MYO3B: variants seen among roughly 807,000 people sequenced by gnomAD.
The protein encoded by MYO3B is myosin-IIIb.
In MYO3B, 156 loss-of-function variants were observed where a neutral mutation model predicts 174.6. That is an observed-to-expected ratio of 0.89 (90% CI 0.78 to 1.02). The LOEUF (loss-of-function observed/expected upper bound fraction) is 1.02. Among genes scored for constraint, MYO3B ranks in the 50% least tolerant of loss-of-function variants. MYO3B has a pLI of 0.00. For synonymous variants in MYO3B, 563 were observed against 569.1 expected, an observed-to-expected ratio of 0.99 and a Z score of 0.15; for missense variants, 1,632 against 1,639.4, an observed-to-expected ratio of 1.00 and a Z score of 0.08.
intron 32 of MYO3B, among the ~76,000 whole-genome samples, chr2:170,545,412 G>A (rs752934207): frequency 6.6e-6 from 1 of 152,172 alleles, no homozygotes; most frequent in African/African-American, 2.4e-5. Flanking sequence ...CATAGTAAGT[G>A]TTTAGTAAAT....
chr2:170,272,807 G>A (rs1304298738), intron 7 of MYO3B, among the ~76,000 whole-genome samples: 2 of 152,102 alleles, frequency 1.3e-5, no homozygotes, highest in East Asian at 3.8e-4. Flanking sequence ...TTGCCCCTTT[G>A]CCATGGGACG....
At chr2:170,559,269 T>G (rs1221668375) in intron 32 of MYO3B, among the ~76,000 whole-genome samples, 4 of 152,248 alleles carry the variant, frequency 2.6e-5, no homozygotes, top group African/African-American at 9.6e-5. Context: ...ATGGCCATTT[T>G]AGCTTCTTAA....
intron 18 of MYO3B, 111 bp downstream of exon 18, chr2:170,401,802 C>CTTTTTT (rs769531863): frequency 0.04 from 27,428 of 684,214 alleles, 79 homozygotes; most frequent in South Asian, 0.045. Flanking sequence ...CTTTCTTTTT[C>CTTTTTT]TTTTTTTTTT....
At chr2:170,317,153 C>A (rs2093781583) in intron 7 of MYO3B, among the ~76,000 whole-genome samples, 1 of 152,116 alleles carries the variant, frequency 6.6e-6, no homozygotes, top group South Asian at 2.1e-4. Context: ...CATGGAATAG[C>A]CTTCCCCAGG....
chr2:170,273,843 C>T (rs16858083), intron 7 of MYO3B, among the ~76,000 whole-genome samples: 5,331 of 152,168 alleles, frequency 0.035, 145 homozygotes, highest in South Asian at 0.078. Flanking sequence ...TCAAAAGGAC[C>T]GCAATTCCCT....
chr2:170,425,365 A>C (rs1468477085), intron 22 of MYO3B, among the ~76,000 whole-genome samples: 1 of 152,204 alleles, frequency 6.6e-6, no homozygotes, highest in Admixed American at 6.5e-5. Flanking sequence ...AGCTGTGTGG[A>C]GTAACAATTG....
At chr2:170,335,831 A>G (rs1318934174) in intron 8 of MYO3B, among the ~76,000 whole-genome samples, 3 of 152,180 alleles carry the variant, frequency 2.0e-5, no homozygotes, top group African/African-American at 4.8e-5. Context: ...TTGCAGTGTG[A>G]AAGTTGGGCT....
At chr2:170,472,051 G>A (rs899225459) in intron 25 of MYO3B, among the ~76,000 whole-genome samples, 1 of 150,774 alleles carries the variant, frequency 6.6e-6, no homozygotes, top group Non-Finnish European at 1.5e-5. Flanking sequence ...TTTATTTCTG[G>A]ACTCTCTTCT....
chr2:170,353,953 C>T (rs1245077448), intron 8 of MYO3B, among the ~76,000 whole-genome samples: 1 of 152,168 alleles, frequency 6.6e-6, no homozygotes, highest in Non-Finnish European at 1.5e-5. Context: ...TGATAATTGA[C>T]CACTGTGTCA....
chr2:170,570,818 T>C (rs1395896958), intron 32 of MYO3B, among the ~76,000 whole-genome samples: 1 of 152,190 alleles, frequency 6.6e-6, no homozygotes, highest in African/African-American at 2.4e-5. Context: ...TTCTCAATTG[T>C]TGCACAAATA....
At chr2:170,489,009 G>T (rs951030642) in intron 25 of MYO3B, among the ~76,000 whole-genome samples, 1 of 152,210 alleles carries the variant, frequency 6.6e-6, no homozygotes, top group African/African-American at 2.4e-5. Context: ...ACACTCATGA[G>T]TTCCAATGAG....
intron 9 of MYO3B, among the ~76,000 whole-genome samples, chr2:170,372,538 A>G (rs949218056): frequency 6.6e-6 from 1 of 152,234 alleles, no homozygotes; most frequent in Non-Finnish European, 1.5e-5. Context: ...AGGCATTTAT[A>G]CATGTGTATG....
intron 22 of MYO3B, among the ~76,000 whole-genome samples, chr2:170,441,315 G>A (rs2094799253): frequency 6.6e-6 from 1 of 152,158 alleles, no homozygotes; most frequent in Admixed American, 6.6e-5. Context: ...TATTTTGAAT[G>A]GAAGTGGTGA....
At chr2:170,288,541 T>C (rs2093573668) in intron 7 of MYO3B, among the ~76,000 whole-genome samples, 2 of 152,112 alleles carry the variant, frequency 1.3e-5, no homozygotes, top group South Asian at 4.1e-4. Flanking sequence ...CATATATAAA[T>C]GCTGCTGATT....
intron 25 of MYO3B, among the ~76,000 whole-genome samples, chr2:170,467,164 T>C (rs1271053976): frequency 6.6e-6 from 1 of 152,178 alleles, no homozygotes; most frequent in Non-Finnish European, 1.5e-5. Flanking sequence ...ATGTATTATC[T>C]CATTTGATCC....
intron 29 of MYO3B, 142 bp from the exon 30 acceptor site, chr2:170,519,294 CAT>C (rs1688513592): frequency 1.7e-6 from 1 of 582,600 alleles, no homozygotes; most frequent in African/African-American, 1.9e-5. Context: ...ATTTTAATGA[CAT>C]ATCCTAGAAA....
intron 7 of MYO3B, among the ~76,000 whole-genome samples, chr2:170,311,730 A>T (rs188498170): frequency 2.0e-5 from 3 of 151,674 alleles, no homozygotes; most frequent in Non-Finnish European, 4.4e-5. Flanking sequence ...TAAGAGTTTT[A>T]TGGTTTTATT....
At chr2:170,404,179 G>C (rs1015972542) in intron 19 of MYO3B, 68 bp from the exon 20 acceptor site, 2 of 1,487,150 alleles carry the variant, frequency 1.3e-6, no homozygotes, top group African/African-American at 2.8e-5. Flanking sequence ...GAAAGTCCAT[G>C]TCAAAGTATC....
intron 6 of MYO3B, among the ~76,000 whole-genome samples, chr2:170,219,602 C>A (rs2092869949): frequency 6.6e-6 from 1 of 151,886 alleles, no homozygotes; most frequent in African/African-American, 2.4e-5. Flanking sequence ...AGAGATGCCA[C>A]CACTGCACTT....
Sources: gnomAD v4.1 joint callset for allele counts (sites outside exome capture counted in the v4.1 genomes callset) on GRCh38, gnomAD v4.1.1 for gene constraint, MANE v1.5 for transcripts, NCBI Gene and HGNC (gene_info 2026-07-23, HGNC 2026-07-21) for gene names.